XIRP2: variants seen among roughly 807,000 people sequenced by gnomAD.
XIRP2 encodes the protein xin actin binding repeat containing 2, also known as xin actin-binding repeat-containing protein 2.
A neutral mutation model predicts 277.0 loss-of-function variants in XIRP2; 236 were observed. That is an observed-to-expected ratio of 0.85 (90% CI 0.77 to 0.95). XIRP2 has a LOEUF of 0.95. XIRP2 is among the 40% of genes least tolerant of loss of function. The probability of loss-of-function intolerance (pLI) is 0.00; values close to 1 mark genes in which losing one functional copy is unlikely to be tolerated. For missense variants in XIRP2, 4,640 were observed against 4,157.5 expected, an observed-to-expected ratio of 1.12 and a Z score of -3.19; for synonymous variants, 1,490 against 1,416.5, an observed-to-expected ratio of 1.05 and a Z score of -1.17.
chr2:167,251,150 G>C lies in XIRP2; in HGVS notation c.9758G>C (p.Arg3253Thr). ...NINHAASGSF[R>T]ESVDAQEEIR... ...AATCATGCTGCTAGTGGTTCCTTCA[G>C]AGAATCTGTGGACGCTCAAGAGGAA... The change falls in exon 9 of 11, where the codon AGA becomes ACA. Residue 3253 changes from arginine (R) to threonine (T), a missense_variant. Arg to Thr is a moderately conservative substitution (Grantham distance 71). Coordinates refer to ENST00000409195, the MANE Select transcript of XIRP2 (RefSeq NM_152381.6). 6.2e-7 allele frequency: 1 copy of C among 1,613,454 alleles called. No homozygotes were observed. The highest frequency in any genetic ancestry group is 1.7e-5 in the Admixed American group (1 of 59,966).
At chr2:167,122,680 A>G (rs1200440829) in intron 2 of XIRP2, among the ~76,000 whole-genome samples, 1 of 152,190 alleles carries the variant, frequency 6.6e-6, no homozygotes, top group East Asian at 1.9e-4. Flanking sequence ...ATGGCTGCCT[A>G]CTTAGTGTAC....
chr2:167,098,541 T>C (rs1690387746), intron 2 of XIRP2, among the ~76,000 whole-genome samples: 1 of 152,226 alleles, frequency 6.6e-6, no homozygotes, highest in Non-Finnish European at 1.5e-5. Flanking sequence ...AGCCTACTTC[T>C]GTCAATTCAT....
intron 2 of XIRP2, among the ~76,000 whole-genome samples, chr2:167,006,111 C>A (rs559148326): frequency 2.9e-4 from 44 of 151,800 alleles, no homozygotes; most frequent in African/African-American, 1.0e-3. Context: ...TACCATGGTG[C>A]CTGGCAAGTT....
At chr2:166,900,128 C>CT (rs1684343896) in intron 1 of XIRP2, among the ~76,000 whole-genome samples, 1 of 151,902 alleles carries the variant, frequency 6.6e-6, no homozygotes, top group Admixed American at 6.6e-5. Context: ...AATTTTAGAT[C>CT]TTTTTTATAG....
rs753507909 is a variant in XIRP2 at position 167,254,054 on chromosome 2, A to C, written c.10578A>C (p.Gly3526=). Residue 3526 remains glycine (G), a synonymous_variant, in exon 10 of 11, where the codon GGA becomes GGC. Coordinates refer to ENST00000409195, the MANE Select transcript of XIRP2 (RefSeq NM_152381.6). ...TAGAAGCTGCTGCTCCAAGACAAGG[A>C]AATATGTATACTTTGTCAAAAGACA... is the stretch of plus-strand genomic sequence containing the variant. ...FISEAAAPRQ[G]NMYTLSKDSL... The C allele has an allele frequency of 6.3e-7, 1 of 1,595,702 alleles. No individual in the cohort carries two copies. Among genetic ancestry groups the C allele is most frequent in the Non-Finnish European group, 8.5e-7 (1 of 1,171,000 alleles).
At chr2:166,977,327 T>A (rs558114557) in intron 2 of XIRP2, among the ~76,000 whole-genome samples, 13 of 152,210 alleles carry the variant, frequency 8.5e-5, no homozygotes, top group Non-Finnish European at 1.5e-4. Flanking sequence ...ATTCTCGCAG[T>A]CAGCATTTTC....
At chr2:167,030,697 G>T (rs975135870) in intron 2 of XIRP2, among the ~76,000 whole-genome samples, 1 of 152,150 alleles carries the variant, frequency 6.6e-6, no homozygotes, top group Non-Finnish European at 1.5e-5. Flanking sequence ...TTGATTTCGG[G>T]TAAAGAGTTC....
Position 167,143,444 on chromosome 2 carries a change from G to A in XIRP2, c.562+7382G>A, listed in dbSNP as rs571329793. 3.3e-5 allele frequency among the ~76,000 whole-genome samples: 5 copies of A among 152,164 alleles called. No homozygotes were observed. In the South Asian group the frequency reaches 1.0e-3, roughly 32 times the overall value. Reference sequence around the variant, plus strand: ...TGTGAGAAGGAGGGATAGGAGAAAGGGTGGAAATTCCAAGTAGATCCTGCA... The same window carrying A: ...TGTGAGAAGGAGGGATAGGAGAAAGAGTGGAAATTCCAAGTAGATCCTGCA... On this transcript the variant is annotated intron_variant, in intron 3 of 10. Transcript: ENST00000409195.
intron 3 of XIRP2, among the ~76,000 whole-genome samples, chr2:167,180,517 G>A (rs551170917): frequency 6.6e-6 from 1 of 151,958 alleles, no homozygotes; most frequent in South Asian, 2.1e-4. Flanking sequence ...TGCATTTTTT[G>A]CAGTCTATTT....
intron 4 of XIRP2, among the ~76,000 whole-genome samples, chr2:167,213,069 A>G (rs1460536816): frequency 1.3e-5 from 2 of 152,164 alleles, no homozygotes; most frequent in Non-Finnish European, 2.9e-5. Flanking sequence ...TTACACATGT[A>G]AAGACAATAT....
intron 2 of XIRP2, among the ~76,000 whole-genome samples, chr2:167,024,972 A>G (rs1688108086): frequency 1.3e-5 from 2 of 152,252 alleles, no homozygotes; most frequent in Admixed American, 6.5e-5. Flanking sequence ...GCCTCATAAC[A>G]TGAGTTAGGG....
At chr2:167,023,055 G>C (rs544055851) in intron 2 of XIRP2, among the ~76,000 whole-genome samples, 117 of 152,234 alleles carry the variant, frequency 7.7e-4, no homozygotes, top group Middle Eastern at 3.4e-3. Flanking sequence ...GGTTGAACTA[G>C]TTTACAGTCC....
chr2:167,049,520 A>G (rs560102296), intron 2 of XIRP2, among the ~76,000 whole-genome samples: 1 of 151,842 alleles, frequency 6.6e-6, no homozygotes, highest in Admixed American at 6.6e-5. Context: ...AAAAAAAAAA[A>G]CATAATTAAG....
intron 2 of XIRP2, among the ~76,000 whole-genome samples, chr2:166,937,462 A>T (rs977492499): frequency 6.6e-6 from 1 of 152,156 alleles, no homozygotes; most frequent in Non-Finnish European, 1.5e-5. Context: ...GTCATGGTGG[A>T]TAAGGTTTTT....
rs1159280722 is a variant in XIRP2, at chr2:167,258,317, G to A, written c.*500G>A. 1.9e-6 allele frequency: 3 copies of A among 1,613,228 alleles called. No homozygotes were observed. ...AGATGTTAGAACTCCAGAAAATAAAGGACAAAGACAAGATCACTTTCCATT... is the reference window on the plus strand; with the variant it reads ...AGATGTTAGAACTCCAGAAAATAAAAGACAAAGACAAGATCACTTTCCATT... On this transcript the variant is annotated 3_prime_UTR_variant, in exon 11 of 11. Coordinates refer to ENST00000409195, the MANE Select transcript of XIRP2 (RefSeq NM_152381.6).
At chr2:166,891,133 A>G (rs1180799674) in intron 1 of XIRP2, among the ~76,000 whole-genome samples, 1 of 152,198 alleles carries the variant, frequency 6.6e-6, no homozygotes, top group Non-Finnish European at 1.5e-5. Flanking sequence ...GTTTTCCTTT[A>G]ATGGATACGT....
intron 2 of XIRP2, among the ~76,000 whole-genome samples, chr2:167,106,873 A>C (rs2105291289): frequency 6.6e-6 from 1 of 151,570 alleles, no homozygotes; most frequent in East Asian, 1.9e-4. Flanking sequence ...GTTTTAGCAT[A>C]GAAGTCCTAA....
chr2:167,117,309 CCGCCATA>C (rs1172454501), intron 2 of XIRP2, among the ~76,000 whole-genome samples: 1 of 152,134 alleles, frequency 6.6e-6, no homozygotes, highest in African/African-American at 2.4e-5. Flanking sequence ...TCCCCACTCC[CCGCCATA>C]CACATACAGT....
intron 2 of XIRP2, among the ~76,000 whole-genome samples, chr2:167,080,138 A>G (rs1689690474): frequency 6.6e-6 from 1 of 152,196 alleles, no homozygotes; most frequent in African/African-American, 2.4e-5. Flanking sequence ...AAGTTGTAGC[A>G]TTGAAAATAA....
Sources: gnomAD v4.1 joint callset for allele counts (sites outside exome capture counted in the v4.1 genomes callset) on GRCh38, gnomAD v4.1.1 for gene constraint, MANE v1.5 for transcripts, NCBI Gene and HGNC (gene_info 2026-07-23, HGNC 2026-07-21) for gene names.